Variants in PID1 observed in about 807,000 individuals in gnomAD.
PID1 encodes phosphotyrosine interaction domain containing 1, also known as PTB-containing, cubilin and LRP1-interacting protein.
PID1 carries 10 observed loss-of-function variants against 19.1 expected under a neutral mutation model. The ratio of observed to expected loss-of-function variants is 0.52; its 90% confidence interval spans 0.32 to 0.89. The LOEUF (loss-of-function observed/expected upper bound fraction) is 0.89, where lower values mean the gene tolerates loss of function less well. Ranked by LOEUF, PID1 falls within the 40% of genes least tolerant of loss-of-function variation. The pLI, the probability that PID1 is intolerant of heterozygous loss-of-function variation, is 0.03. For missense variants in PID1, 248 were observed against 285.3 expected, an observed-to-expected ratio of 0.87 and a Z score of 0.94; for synonymous variants, 130 against 116.0, an observed-to-expected ratio of 1.12 and a Z score of -0.78.
chr2:229,033,508 C>T (rs964211403), intron 2 of PID1, among the ~76,000 whole-genome samples: 1 of 151,536 alleles, frequency 6.6e-6, no homozygotes, highest in Non-Finnish European at 1.5e-5. Flanking sequence ...AGGAGGGGAA[C>T]ATCACACACC....
intron 1 of PID1, among the ~76,000 whole-genome samples, chr2:229,260,209 A>C (rs960421025): frequency 6.6e-6 from 1 of 152,132 alleles, no homozygotes; most frequent in African/African-American, 2.4e-5. Flanking sequence ...AGTTCAGCCT[A>C]AAGAAATACA....
chr2:229,189,068 G>A (rs1418247530), intron 1 of PID1, among the ~76,000 whole-genome samples: 3 of 152,124 alleles, frequency 2.0e-5, no homozygotes, highest in Non-Finnish European at 4.4e-5. Context: ...AGAAGAACTC[G>A]TGAAGTGAAA....
intron 1 of PID1, among the ~76,000 whole-genome samples, chr2:229,248,054 C>T (rs188054177): frequency 4.5e-4 from 69 of 152,212 alleles, no homozygotes; most frequent in African/African-American, 9.6e-4. Context: ...AAGATACAGA[C>T]GCTATTTCCC....
In PID1 at chr2:229,051,767, A is replaced by G. The variant is rs902244461; in HGVS notation, c.178-25659T>C. ...GTCAGCATCACGTCTGCCTCATTGT[A>G]AAGTCTGCAAACTGTTGTGCCCCAG... On this transcript the variant is annotated intron_variant, in intron 2 of 2. Coordinates refer to ENST00000392055, the MANE Select transcript of PID1 (RefSeq NM_001100818.2). Among the ~76,000 whole-genome samples the G allele has an allele frequency of 5.3e-5, 8 of 152,212 alleles. No homozygotes were observed. In the East Asian group the frequency reaches 1.5e-3, roughly 29 times the overall value.
At chr2:229,185,014 T>G (rs1221835662) in intron 1 of PID1, among the ~76,000 whole-genome samples, 4 of 145,062 alleles carry the variant, frequency 2.8e-5, no homozygotes. Flanking sequence ...ACACTATATA[T>G]ACTATATGTA....
At chr2:229,036,769 A>G (rs1431582717) in intron 2 of PID1, among the ~76,000 whole-genome samples, 1 of 152,082 alleles carries the variant, frequency 6.6e-6, no homozygotes, top group Non-Finnish European at 1.5e-5. Flanking sequence ...ACACAACAAA[A>G]CAAAAAAACC....
intron 2 of PID1, among the ~76,000 whole-genome samples, chr2:229,121,762 C>T (rs1190617589): frequency 1.4e-4 from 22 of 152,238 alleles, no homozygotes; most frequent in Non-Finnish European, 8.8e-5. Flanking sequence ...GTAGTACCTA[C>T]AAGAAGTCAT....
intron 2 of PID1, among the ~76,000 whole-genome samples, chr2:229,063,962 C>T (rs1694268406): frequency 6.6e-6 from 1 of 151,884 alleles, no homozygotes; most frequent in African/African-American, 2.4e-5. Flanking sequence ...CAGAGAGCTC[C>T]AGACTCAGAC....
chr2:229,048,592 G>A (rs981000568), intron 2 of PID1, among the ~76,000 whole-genome samples: 3 of 152,168 alleles, frequency 2.0e-5, no homozygotes, highest in African/African-American at 7.2e-5. Context: ...ACGGCAGGAA[G>A]GGACTGAAAT....
intron 1 of PID1, among the ~76,000 whole-genome samples, chr2:229,237,720 A>C (rs1333904441): frequency 6.6e-6 from 1 of 152,190 alleles, no homozygotes; most frequent in Non-Finnish European, 1.5e-5. Context: ...AAATATCTAT[A>C]CATTTTCATG....
intron 1 of PID1, among the ~76,000 whole-genome samples, chr2:229,196,551 A>G (rs1021970168): frequency 6.6e-6 from 1 of 152,134 alleles, no homozygotes; most frequent in Non-Finnish European, 1.5e-5. Flanking sequence ...TTCTAAGTAC[A>G]TCAGTTACAA....
At position 229,043,449 on chromosome 2, in the gene PID1, G is replaced by GA. The variant is rs565503769; in HGVS notation, c.178-17342dup. Among the ~76,000 whole-genome samples the GA allele has an allele frequency of 1.9e-4, 28 of 150,838 alleles. 1 individual carries two copies. The highest frequency in any genetic ancestry group is 1.4e-3 in the Admixed American group (21 of 15,180). ...GCCAAGAAGTGTATTCTTAAGAGAAGAAAAAAAAAGAAGCTTTTCTCTTCT... is the reference window on the plus strand; with the variant it reads ...GCCAAGAAGTGTATTCTTAAGAGAAGAAAAAAAAAAGAAGCTTTTCTCTTCT... On this transcript the variant is annotated intron_variant, in intron 2 of 2. Transcript: ENST00000392055.
At chr2:229,201,197 T>C (rs902614344) in intron 1 of PID1, among the ~76,000 whole-genome samples, 1 of 152,098 alleles carries the variant, frequency 6.6e-6, no homozygotes, top group Admixed American at 6.6e-5. Flanking sequence ...TTCAAATTGT[T>C]GTGTAACTAT....
intron 2 of PID1, among the ~76,000 whole-genome samples, chr2:229,089,845 T>C (rs1235037499): frequency 1.3e-5 from 2 of 152,184 alleles, no homozygotes; most frequent in Admixed American, 1.3e-4. Flanking sequence ...TATTTCTATA[T>C]GGATGGCAGT....
At chr2:229,165,052 G>GA (rs1003799157) in intron 1 of PID1, among the ~76,000 whole-genome samples, 1 of 152,138 alleles carries the variant, frequency 6.6e-6, no homozygotes, top group African/African-American at 2.4e-5. Context: ...CAGCCAGACT[G>GA]AAAAAACTCA....
At chr2:229,043,166 C>T (rs763920459) in intron 2 of PID1, among the ~76,000 whole-genome samples, 124 of 151,984 alleles carry the variant, frequency 8.2e-4, no homozygotes, top group African/African-American at 2.9e-3. Context: ...CCACCAAGCT[C>T]GGCTAATTTT....
rs140688133 is a variant in PID1 at position 229,159,963 on chromosome 2, C to G, written c.31-3999G>C. Among the ~76,000 whole-genome samples the G allele has an allele frequency of 9.4e-4, 143 of 152,162 alleles. 2 individuals carry two copies. The highest frequency in any genetic ancestry group is 8.8e-4 in the Non-Finnish European group (60 of 68,022). On this transcript the variant is annotated intron_variant, in intron 1 of 2. Coordinates refer to ENST00000392055, the MANE Select transcript of PID1 (RefSeq NM_001100818.2). ...AGAGTGAGATCTGAAGGTGGTTTGC[C>G]AAGTTGGTTGGGAAAGAAATTGGGG...
intron 2 of PID1, among the ~76,000 whole-genome samples, chr2:229,042,544 C>A (rs1489303323): frequency 6.6e-6 from 1 of 152,142 alleles, no homozygotes. Context: ...TCTACTCTGA[C>A]CGTCCTGGAG....
intron 1 of PID1, among the ~76,000 whole-genome samples, chr2:229,205,942 G>C (rs1246487803): frequency 6.6e-6 from 1 of 152,154 alleles, no homozygotes; most frequent in African/African-American, 2.4e-5. Context: ...ATGAATAGGA[G>C]TGTTGTTTCG....
Sources: allele counts gnomAD v4.1 joint callset (sites outside exome capture counted in the v4.1 genomes callset), GRCh38; gene constraint gnomAD v4.1.1; transcripts MANE v1.5; gene names NCBI Gene and HGNC (gene_info 2026-07-23, HGNC 2026-07-21).